Variants in HSD17B3 observed in about 807,000 individuals in gnomAD.
The protein encoded by HSD17B3 is 17-beta-hydroxysteroid dehydrogenase type 3.
A neutral mutation model predicts 41.1 loss-of-function variants in HSD17B3; 29 were observed. The observed-to-expected ratio is 0.71, with a 90% confidence interval of 0.53 to 0.96. The LOEUF (loss-of-function observed/expected upper bound fraction) is 0.96, where lower values mean the gene tolerates loss of function less well. Among genes scored for constraint, HSD17B3 ranks in the 40% least tolerant of loss-of-function variants. HSD17B3 has a pLI of 0.00. For missense variants in HSD17B3, 323 were observed against 374.6 expected (o/e 0.86, Z 1.14); for synonymous variants, 126 against 145.6 (o/e 0.87, Z 0.97).
chr9:96,244,263 C>T, intron 9 of HSD17B3, 66 bp downstream of exon 9: 1 of 1,515,340 alleles, frequency 6.6e-7, no homozygotes, highest in Non-Finnish European at 9.2e-7. Flanking sequence ...AGTAACCCTT[C>T]TCAAGGACTC....
At chr9:96,253,504 G>A (rs568436200) in intron 3 of HSD17B3, among the ~76,000 whole-genome samples, 1 of 152,312 alleles carries the variant, frequency 6.6e-6, no homozygotes, top group East Asian at 1.9e-4. Context: ...ACCTTCTAAA[G>A]TAGGCATTAT....
At chr9:96,301,692 CAG>C (rs1289675046) in intron 1 of HSD17B3, among the ~76,000 whole-genome samples, 1 of 137,698 alleles carries the variant, frequency 7.3e-6, no homozygotes, top group African/African-American at 2.8e-5. Context: ...GCCCGGGCAA[CAG>C]AGTGAGACTC....
At chr9:96,279,807 T>A (rs1826613190) in intron 2 of HSD17B3, among the ~76,000 whole-genome samples, 2 of 151,956 alleles carry the variant, frequency 1.3e-5, no homozygotes, top group Non-Finnish European at 1.5e-5. Flanking sequence ...TCTCGCTCTG[T>A]CACCCAGGCT....
intron 2 of HSD17B3, among the ~76,000 whole-genome samples, chr9:96,258,194 A>G (rs940766284): frequency 4.6e-5 from 7 of 152,132 alleles, no homozygotes; most frequent in Admixed American, 2.6e-4. Flanking sequence ...ATTATATACT[A>G]CTTGTAATAT....
At chr9:96,246,374 G>A in intron 7 of HSD17B3, 182 bp downstream of exon 7, 2 of 667,350 alleles carry the variant, frequency 3.0e-6, no homozygotes, top group Non-Finnish European at 5.4e-6. Context: ...TTGTCTGTCT[G>A]CAGAGCTGGC....
At chr9:96,245,524 G>A (rs906450613) in intron 7 of HSD17B3, 98 bp from the exon 8 acceptor site, 11 of 889,484 alleles carry the variant, frequency 1.2e-5, no homozygotes, top group African/African-American at 6.6e-5. Flanking sequence ...TGCCGGACTC[G>A]ACCCTTTCTA....
chr9:96,239,009 G>A (rs550893223), intron 10 of HSD17B3, among the ~76,000 whole-genome samples: 1 of 152,378 alleles, frequency 6.6e-6, no homozygotes, highest in South Asian at 2.1e-4. Flanking sequence ...GATCAAAGCT[G>A]CAGATGGACC....
At chr9:96,292,967 G>T (rs9409407) in intron 2 of HSD17B3, among the ~76,000 whole-genome samples, 10,869 of 152,204 alleles carry the variant, frequency 0.071, 534 homozygotes, top group Non-Finnish European at 0.11. Context: ...AAGGGGAAAT[G>T]AAGCCATTCT....
At position 96,257,091 on chromosome 9, in the gene HSD17B3, C is replaced by T. The variant is rs574510811; in HGVS notation, c.202-2148G>A. Among the ~76,000 whole-genome samples, 457 of 152,220 alleles carry T rather than the reference C, an allele frequency of 3.0e-3. 1 individual carries two copies. Among genetic ancestry groups the T allele is most frequent in the Non-Finnish European group, 4.8e-3 (327 of 68,010 alleles). On this transcript the variant is annotated intron_variant, in intron 2 of 10. Coordinates refer to ENST00000375263, the MANE Select transcript of HSD17B3 (RefSeq NM_000197.2). Reference sequence around the variant, plus strand: ...CGCCACGTTTGTAAGTTTCCTGAGGCCTCCGAAGCCGAGCAAATGCCAGCA... The same window carrying T: ...CGCCACGTTTGTAAGTTTCCTGAGGTCTCCGAAGCCGAGCAAATGCCAGCA...
At chr9:96,253,031 C>A in intron 3 of HSD17B3, 121 bp from the exon 4 acceptor site, 1 of 744,334 alleles carries the variant, frequency 1.3e-6, no homozygotes, top group Non-Finnish European at 2.4e-6. Context: ...CCCATTGCCC[C>A]AAATAAAAAT....
At chr9:96,276,220 A>C (rs2130769877) in intron 2 of HSD17B3, among the ~76,000 whole-genome samples, 1 of 152,178 alleles carries the variant, frequency 6.6e-6, no homozygotes, top group South Asian at 2.1e-4. Context: ...GTACGCTAAA[A>C]TTTATAAAAC....
intron 2 of HSD17B3, among the ~76,000 whole-genome samples, chr9:96,281,927 C>T (rs773124661): frequency 1.3e-5 from 2 of 152,192 alleles, no homozygotes; most frequent in Non-Finnish European, 2.9e-5. Flanking sequence ...GTAAAAATCA[C>T]TGCTTGTCTC....
chr9:96,279,192 G>T (rs1233056437), intron 2 of HSD17B3, among the ~76,000 whole-genome samples: 1 of 152,202 alleles, frequency 6.6e-6, no homozygotes, highest in Non-Finnish European at 1.5e-5. Flanking sequence ...CAAGGTTAAG[G>T]ACATTCCAGT....
intron 1 of HSD17B3, among the ~76,000 whole-genome samples, chr9:96,301,440 C>T (rs565382949): frequency 1.8e-4 from 27 of 147,154 alleles, no homozygotes; most frequent in Non-Finnish European, 3.3e-4. Context: ...TGGCTGGGTG[C>T]GGTGGCTCAC....
At chr9:96,294,423 C>T (rs1366358518) in intron 2 of HSD17B3, among the ~76,000 whole-genome samples, 1 of 152,218 alleles carries the variant, frequency 6.6e-6, no homozygotes, top group Non-Finnish European at 1.5e-5. Context: ...CTGGAACCCA[C>T]AGCTCCTGAC....
At chr9:96,250,198 T>A in intron 5 of HSD17B3, 1 of 1,137,484 alleles carries the variant, frequency 8.8e-7, no homozygotes, top group Non-Finnish European at 1.1e-6. Context: ...GGAGGGCAGG[T>A]AAAGAAACCA....
intron 1 of HSD17B3, among the ~76,000 whole-genome samples, chr9:96,299,828 T>C (rs1827505419): frequency 6.6e-6 from 1 of 152,138 alleles, no homozygotes; most frequent in Non-Finnish European, 1.5e-5. Context: ...ATTAAAAATT[T>C]AGCCTCTAGT....
chr9:96,246,128 A>C (rs966445294), intron 7 of HSD17B3, among the ~76,000 whole-genome samples: 1 of 152,230 alleles, frequency 6.6e-6, no homozygotes, highest in Non-Finnish European at 1.5e-5. Flanking sequence ...GAATAGGGTG[A>C]CATAAATATG....
At chr9:96,266,810 G>A (rs1587748348) in intron 2 of HSD17B3, among the ~76,000 whole-genome samples, 1 of 152,198 alleles carries the variant, frequency 6.6e-6, no homozygotes, top group South Asian at 2.1e-4. Flanking sequence ...GGCCCTCTCC[G>A]AGACTGAGGA....
Sources: allele counts gnomAD v4.1 joint callset (sites outside exome capture counted in the v4.1 genomes callset), GRCh38; gene constraint gnomAD v4.1.1; transcripts MANE v1.5; gene names NCBI Gene and HGNC (gene_info 2026-07-23, HGNC 2026-07-21).